UBE2B: variants seen among roughly 807,000 people sequenced by gnomAD.
The protein encoded by UBE2B is ubiquitin-conjugating enzyme E2 B.
In UBE2B, 11 loss-of-function variants were observed where a neutral mutation model predicts 24.6. The ratio of observed to expected loss-of-function variants is 0.45; its 90% CI spans 0.28 to 0.74. The LOEUF is 0.74. Among genes scored for constraint, UBE2B ranks in the 30% least tolerant of loss-of-function variants. The probability of loss-of-function intolerance (pLI) is 0.13; values close to 1 mark genes in which losing one functional copy is unlikely to be tolerated. For synonymous variants in UBE2B, 68 were observed against 62.4 expected (o/e 1.09, Z -0.42); for missense variants, 78 against 185.6 (o/e 0.42, Z 3.37).
Position 134,371,572 on chromosome 5 carries a change from C to G in UBE2B, c.-24C>G. ...TGCGCGGGACTTTTTTTTTTTCAGA[C>G]TGACCGCGGGGCAGCTGCGGAGCAT... On this transcript the variant is annotated 5_prime_UTR_variant, in exon 1 of 6. Coordinates refer to ENST00000265339, the MANE Select transcript of UBE2B (RefSeq NM_003337.4). 1.9e-6 allele frequency: 3 copies of G among 1,610,222 alleles called. No homozygotes were observed. Among genetic ancestry groups the G allele is most frequent in the East Asian group, 2.2e-5 (1 of 44,786 alleles).
intron 4 of UBE2B, 146 bp downstream of exon 4, chr5:134,380,954 G>GTTTTT (rs1561681088): frequency 2.3e-5 from 5 of 218,806 alleles, no homozygotes; most frequent in Admixed American, 8.3e-5. Flanking sequence ...TTTTGTTGTG[G>GTTTTT]ATTTTTTTTT....
chr5:134,388,946 G>GTTTTTTTTTTTTT (rs35847901), intron 5 of UBE2B: 2 of 174,508 alleles, frequency 1.1e-5, no homozygotes, highest in Non-Finnish European at 2.0e-5. Flanking sequence ...TTCTTTAATT[G>GTTTTTTTTTTTTT]TTTTTTTTTT....
chr5:134,376,334 A>ATATATATAT (rs1561679532), intron 2 of UBE2B, among the ~76,000 whole-genome samples: 3 of 4,254 alleles, frequency 7.1e-4, no homozygotes, highest in Admixed American at 4.7e-3. Context: ...AAAAAAAAAA[A>ATATATATAT]AAAAAAAAAA....
chr5:134,388,946 G>GTTTTTTTTTTTTTTTTTT, intron 5 of UBE2B: 2 of 172,266 alleles, frequency 1.2e-5, no homozygotes, highest in East Asian at 2.8e-4. Context: ...TTCTTTAATT[G>GTTTTTTTTTTTTTTTTTT]TTTTTTTTTT....
rs1758557532 is a variant in UBE2B at position 134,374,238 on chromosome 5, CAT to C, written c.45-142_45-141del. 13 of 736,436 alleles carry C rather than the reference CAT, an allele frequency of 1.8e-5. No homozygotes were observed. In the East Asian group the frequency reaches 3.0e-4, roughly 17 times the overall value. The allele number at this position is 736,436 out of a possible 1,614,324, so 45.6% of individuals were successfully genotyped here. On this transcript the variant is annotated intron_variant, in intron 1 of 5. Coordinates refer to ENST00000265339, the MANE Select transcript of UBE2B (RefSeq NM_003337.4). ...ATATACCTGGTTAATATATTTAAGTCATATGGTTCATTTTAGTTCACAATAAC... is the reference window on the plus strand; with the variant it reads ...ATATACCTGGTTAATATATTTAAGTCATGGTTCATTTTAGTTCACAATAAC...
chr5:134,386,624 C>T (rs1279230246), intron 4 of UBE2B, among the ~76,000 whole-genome samples: 1 of 150,852 alleles, frequency 6.6e-6, no homozygotes, highest in Non-Finnish European at 1.5e-5. Flanking sequence ...AAGAGCGAAA[C>T]TCCATCTCAA....
intron 4 of UBE2B, 94 bp from the exon 5 acceptor site, chr5:134,388,231 A>T: frequency 1.9e-6 from 2 of 1,078,786 alleles, no homozygotes; most frequent in Non-Finnish European, 2.8e-6. Context: ...CCTAATATTT[A>T]AAACTTCTAA....
chr5:134,377,230 C>T (rs775164443), intron 3 of UBE2B, among the ~76,000 whole-genome samples: 3 of 152,154 alleles, frequency 2.0e-5, no homozygotes, highest in Non-Finnish European at 4.4e-5. Context: ...TTGAACTTAT[C>T]AAACTGATTT....
At chr5:134,371,952 G>T (rs2149688595) in intron 1 of UBE2B, among the ~76,000 whole-genome samples, 1 of 152,330 alleles carries the variant, frequency 6.6e-6, no homozygotes, top group African/African-American at 2.4e-5. Context: ...GACATTATCC[G>T]CCCGCCCCTG....
intron 2 of UBE2B, among the ~76,000 whole-genome samples, chr5:134,374,948 A>G (rs7701705): frequency 0.14 from 20,438 of 149,610 alleles, 1,643 homozygotes; most frequent in African/African-American, 0.21. Flanking sequence ...TCCTGTATCA[A>G]AAAAAAAAAG....
chr5:134,372,391 A>G (rs28494624), intron 1 of UBE2B, among the ~76,000 whole-genome samples: 1,609 of 152,308 alleles, frequency 0.011, 25 homozygotes, highest in African/African-American at 0.035. Context: ...TTTGGTAAAT[A>G]AAATAGGGTT....
At position 134,376,340 on chromosome 5, in the gene UBE2B, A is replaced by ATAGATATATATATATATATAT. The variant is rs1206993709; in HGVS notation, c.126-329_126-328insTAGATATATATATATATATAT. Among the ~76,000 whole-genome samples, 5 of 5,922 alleles carry ATAGATATATATATATATATAT rather than the reference A, an allele frequency of 8.4e-4. 1 individual carries two copies. Among genetic ancestry groups the ATAGATATATATATATATATAT allele is most frequent in the African/African-American group, 1.8e-3 (5 of 2,792 alleles). 3.9% of individuals were successfully genotyped at this position (5,922 alleles called of 152,430 possible). A position where few individuals can be genotyped will look rare whatever the true frequency, so the allele number is the denominator to read the frequency against. ...TCCGTCTCAAAAAAAAAAAAAAAAA[A>ATAGATATATATATATATATAT]AAAAAAAAATATATATATATATATA... On this transcript the variant is annotated intron_variant, in intron 2 of 5. Coordinates refer to ENST00000265339, the MANE Select transcript of UBE2B (RefSeq NM_003337.4).
chr5:134,379,848 C>T, intron 3 of UBE2B, among the ~76,000 whole-genome samples: 1 of 151,996 alleles, frequency 6.6e-6, no homozygotes. Context: ...ACATTGCTTA[C>T]ACTTATCACC....
chr5:134,371,729 C>T (rs1758432436), intron 1 of UBE2B, 90 bp downstream of exon 1: 5 of 1,570,474 alleles, frequency 3.2e-6, no homozygotes, highest in Non-Finnish European at 2.6e-6. Context: ...CTTTGTGACC[C>T]TCAGAGGGCC....
chr5:134,390,284 T>C lies in UBE2B; in HGVS notation c.390T>C (p.Tyr130=). 6.2e-7 allele frequency: 1 copy of C among 1,614,148 alleles called. No individual in the cohort carries two copies. The highest frequency in any genetic ancestry group is 8.5e-7 in the Non-Finnish European group (1 of 1,180,020). ...CCAATAGCCAGGCAGCACAGCTTTA[T>C]CAGGAAAACAAACGAGAATATGAGA... ...SPANSQAAQL[Y]QENKREYEKR... Residue 130 remains tyrosine, a synonymous_variant, in exon 6 of 6, where the codon TAT becomes TAC. Coordinates refer to ENST00000265339, the MANE Select transcript of UBE2B (RefSeq NM_003337.4). This position sits in a 1 kb window ranked among gnomAD's most constrained non-coding sequence, Gnocchi z 4.6.
At chr5:134,388,951 T>TG in intron 5 of UBE2B, 2 of 315,474 alleles carry the variant, frequency 6.3e-6, no homozygotes, top group South Asian at 2.6e-5. Context: ...TAATTGTTTT[T>TG]TTTTTTTTTT....
chr5:134,385,837 C>A (rs536959106), intron 4 of UBE2B, among the ~76,000 whole-genome samples: 2 of 151,864 alleles, frequency 1.3e-5, no homozygotes, highest in East Asian at 3.9e-4. Context: ...CATAGTGAAA[C>A]CCCGTCTTTA....
At chr5:134,373,558 A>G (rs1459740165) in intron 1 of UBE2B, among the ~76,000 whole-genome samples, 1 of 152,158 alleles carries the variant, frequency 6.6e-6, no homozygotes, top group Non-Finnish European at 1.5e-5. Context: ...ATGTATACAC[A>G]TGTGCCATGT....
chr5:134,375,348 A>G (rs1758579576), intron 2 of UBE2B, among the ~76,000 whole-genome samples: 1 of 152,068 alleles, frequency 6.6e-6, no homozygotes. Flanking sequence ...GACTTGATCT[A>G]TTTTTTCTTT....
Sources: gnomAD v4.1 joint callset for allele counts (sites outside exome capture counted in the v4.1 genomes callset) on GRCh38, gnomAD v4.1.1 for gene constraint, Gnocchi (gnomAD v3.1) non-coding constraint, MANE v1.5 for transcripts, NCBI Gene and HGNC (gene_info 2026-07-23, HGNC 2026-07-21) for gene names.